MGST1: variants seen among roughly 807,000 people sequenced by gnomAD.
MGST1 encodes the protein glutathione S-transferase 12.
MGST1 carries 5 observed loss-of-function variants against 8.9 expected under a neutral mutation model. The observed-to-expected ratio is 0.56, with a 90% CI of 0.29 to 1.19. MGST1 has a LOEUF of 1.19. MGST1 is among the 50% of genes most tolerant of loss of function. The pLI, the probability that MGST1 is intolerant of heterozygous loss-of-function variation, is 0.08. For missense variants in MGST1, 182 were observed against 187.4 expected (o/e 0.97, Z 0.17); for synonymous variants, 54 against 67.8 (o/e 0.80, Z 1.00).
chr12:16,425,244 A>G (rs1818920006), intron 1 of MGST1, among the ~76,000 whole-genome samples: 1 of 152,204 alleles, frequency 6.6e-6, no homozygotes, highest in African/African-American at 2.4e-5. Flanking sequence ...CATAATATCC[A>G]TAAAAATATA....
intron 1 of MGST1, chr12:16,400,480 G>T (rs917876026): frequency 4.9e-5 from 39 of 798,448 alleles, no homozygotes; most frequent in Non-Finnish European, 8.2e-5. Flanking sequence ...GATCACCAGT[G>T]AGTCTTGTTT....
At chr12:16,561,846 G>A (rs753726104) in intron 4 of MGST1, among the ~76,000 whole-genome samples, 12 of 152,146 alleles carry the variant, frequency 7.9e-5, no homozygotes, top group Non-Finnish European at 1.2e-4. Flanking sequence ...GAGCATAAGC[G>A]CCTTGAAGGT....
At chr12:16,485,122 C>T (rs775518503) in intron 4 of MGST1, among the ~76,000 whole-genome samples, 1 of 152,196 alleles carries the variant, frequency 6.6e-6, no homozygotes, top group Non-Finnish European at 1.5e-5. Flanking sequence ...CACCTTCCCC[C>T]TCTTAAAACC....
intron 1 of MGST1, among the ~76,000 whole-genome samples, chr12:16,384,117 T>A (rs911304419): frequency 4.6e-5 from 7 of 152,126 alleles, no homozygotes; most frequent in Admixed American, 4.6e-4. Flanking sequence ...GAATGGATCT[T>A]GGGTTGGGAT....
chr12:16,478,011 C>T (rs1417042702), intron 4 of MGST1, among the ~76,000 whole-genome samples: 1 of 152,074 alleles, frequency 6.6e-6, no homozygotes, highest in Admixed American at 6.6e-5. Flanking sequence ...GAAAATCAGG[C>T]TTTAGCCTTT....
chr12:16,432,731 CAG>C lies in MGST1; in HGVS notation n.779-4647_779-4646del, dbSNP rs767958436. Among the ~76,000 whole-genome samples the C allele has an allele frequency of 6.1e-3, 815 of 132,686 alleles. 13 individuals carry two copies. Among genetic ancestry groups the C allele is most frequent in the African/African-American group, 0.022 (774 of 35,608 alleles). The allele number at this position is 132,686 out of a possible 152,430, so 87.0% of individuals were successfully genotyped here. Reference sequence around the variant, plus strand: ...ACACACACACACACACACACACACACAGAGAGAGAGAATATTGTCAGAGTTCT... The same window carrying C: ...ACACACACACACACACACACACACACAGAGAGAGAATATTGTCAGAGTTCT... On this transcript the variant is annotated intron_variant and non_coding_transcript_variant, in intron 1 of 1. Transcript: ENST00000359720.
intron 4 of MGST1, among the ~76,000 whole-genome samples, chr12:16,578,994 G>A (rs1943079065): frequency 6.6e-6 from 1 of 152,134 alleles, no homozygotes; most frequent in Admixed American, 6.5e-5. Flanking sequence ...TTAAGGTCTA[G>A]TATATTACAT....
At chr12:16,394,501 T>A (rs1250005483) in intron 1 of MGST1, among the ~76,000 whole-genome samples, 2 of 137,894 alleles carry the variant, frequency 1.5e-5, no homozygotes, top group Non-Finnish European at 3.1e-5. Context: ...TTTCTTTCTC[T>A]CTCTTTCTCT....
At chr12:16,440,753 G>C (rs1204400463), downstream of MGST1, among the ~76,000 whole-genome samples, 1 of 151,690 alleles carries the variant, frequency 6.6e-6, no homozygotes, top group East Asian at 1.9e-4. Context: ...TTTTTCTTAA[G>C]TGTACACCTA....
In MGST1 at chr12:16,508,049, T is replaced by C. The variant is rs563685848; in HGVS notation, n.483-81479T>C. 5.3e-5 allele frequency among the ~76,000 whole-genome samples: 8 copies of C among 152,268 alleles called. No homozygotes were observed. In the East Asian group the frequency reaches 1.5e-3, roughly 29 times the overall value. ...GTATGCACATGTGTGTATTCTTTTC[T>C]GAGGTGAGGAAGAAGGGATCTCTTT... is the stretch of plus-strand genomic sequence containing the variant. On this transcript the variant is annotated intron_variant and non_coding_transcript_variant, in intron 4 of 4. Coordinates refer to the MGST1 transcript ENST00000538857.
Position 16,389,812 on chromosome 12 carries a change from C to T in MGST1, n.778+6208C>T, listed in dbSNP as rs926436903. Among the ~76,000 whole-genome samples the T allele has an allele frequency of 6.6e-6, 1 of 151,868 alleles. No individual in the cohort carries two copies. The highest frequency in any genetic ancestry group is 1.5e-5 in the Non-Finnish European group (1 of 68,002). On this transcript the variant is annotated intron_variant and non_coding_transcript_variant, in intron 1 of 1. Transcript: ENST00000359720. The surrounding 1 kb of genome is among the most constrained non-coding windows in gnomAD (Gnocchi z 4.6). The stretch of plus-strand genomic sequence containing the variant: ...GCTGGGAGTGAGGCATGAGATCTCT[C>T]GGTAGAGGCAAAATAGAGTGATGAG...
downstream of MGST1, among the ~76,000 whole-genome samples, chr12:16,438,988 G>A (rs1287272076): frequency 6.6e-6 from 1 of 151,710 alleles, no homozygotes; most frequent in Non-Finnish European, 1.5e-5. Flanking sequence ...GGGAAAGATG[G>A]AACATGAAAG....
chr12:16,439,509 A>G (rs894077595), downstream of MGST1, among the ~76,000 whole-genome samples: 1 of 151,688 alleles, frequency 6.6e-6, no homozygotes, highest in African/African-American at 2.4e-5. Context: ...TTCTTGATTC[A>G]CCATAGCCTT....
chr12:16,576,703 G>C lies in MGST1; in HGVS notation n.483-12825G>C. Among the ~76,000 whole-genome samples, 1 of 152,106 alleles carries C rather than the reference G, an allele frequency of 6.6e-6. No homozygotes were observed. Among genetic ancestry groups the C allele is most frequent in the East Asian group, 1.9e-4 (1 of 5,190 alleles). ...TCCATAACTGCTGAATTAGAATGTA[G>C]AGATATATAAATGGAAATTAACATT... On this transcript the variant is annotated intron_variant and non_coding_transcript_variant, in intron 4 of 4. Coordinates refer to the MGST1 transcript ENST00000538857. This position sits in a 1 kb window ranked among gnomAD's most constrained non-coding sequence, Gnocchi z 4.1.
At position 16,585,605 on chromosome 12, in the gene MGST1, G is replaced by A. The variant is rs1464311392; in HGVS notation, n.483-3923G>A. Among the ~76,000 whole-genome samples, 1 of 152,078 alleles carries A rather than the reference G, an allele frequency of 6.6e-6. No individual in the cohort carries two copies. Among genetic ancestry groups the A allele is most frequent in the African/African-American group, 2.4e-5 (1 of 41,408 alleles). ...GCATCTCTCATGCATCAGGCCCTAT[G>A]TTCCCACCTGTATTTTCTTTCCGTT... On this transcript the variant is annotated intron_variant and non_coding_transcript_variant, in intron 4 of 4. Coordinates refer to the MGST1 transcript ENST00000538857. The surrounding 1 kb of genome is among the most constrained non-coding windows in gnomAD (Gnocchi z 4.7).
chr12:16,387,971 G>T (rs1354904463), intron 1 of MGST1, among the ~76,000 whole-genome samples: 1 of 151,916 alleles, frequency 6.6e-6, no homozygotes, highest in Non-Finnish European at 1.5e-5. Flanking sequence ...ATATAGCCTA[G>T]GTATGTGGTA....
At chr12:16,374,847 G>A (rs191717989) in intron 3 of MGST1, among the ~76,000 whole-genome samples, 150 of 152,244 alleles carry the variant, frequency 9.9e-4, no homozygotes, top group Non-Finnish European at 1.8e-3. Flanking sequence ...TTGTATGTGT[G>A]TGAGTGTGTA....
chr12:16,402,240 A>G (rs755347929), intron 1 of MGST1: 15 of 1,587,392 alleles, frequency 9.4e-6, no homozygotes, highest in Non-Finnish European at 1.3e-5. Flanking sequence ...AGTATCAGTT[A>G]GTTCATAACC....
At position 16,517,989 on chromosome 12, in the gene MGST1, A is replaced by G. The variant is rs1197926799; in HGVS notation, n.483-71539A>G. The stretch of plus-strand genomic sequence containing the variant: ...ACACTAGGCAGTGATACATTCACCA[A>G]AGTGATGGTGGTCACACTGAGGTCT... On this transcript the variant is annotated intron_variant and non_coding_transcript_variant, in intron 4 of 4. Transcript: ENST00000538857. The surrounding 1 kb of genome is among the most constrained non-coding windows in gnomAD (Gnocchi z 4.2). Among the ~76,000 whole-genome samples, 1 of 152,208 alleles carries G rather than the reference A, an allele frequency of 6.6e-6. No individual in the cohort carries two copies. Among genetic ancestry groups the G allele is most frequent in the Non-Finnish European group, 1.5e-5 (1 of 68,040 alleles).
Sources: allele counts gnomAD v4.1 joint callset (sites outside exome capture counted in the v4.1 genomes callset), GRCh38; gene constraint gnomAD v4.1.1; non-coding constraint Gnocchi (gnomAD v3.1); transcripts MANE v1.5; gene names NCBI Gene and HGNC (gene_info 2026-07-23, HGNC 2026-07-21).